The following C7orf78 variants were observed in gnomAD, a reference collection of about 807,000 sequenced individuals.
C7orf78 encodes the protein chromosome 7 open reading frame 78.
At chr7:12,525,723 A>T in the C7orf78 span, 3 of 389,096 alleles carry the variant, frequency 7.7e-6, no homozygotes, top group Non-Finnish European at 1.4e-5. Context: ...ATTACGTTTT[A>T]CCAAGGAAAT....
At chr7:12,512,008 T>C in the C7orf78 span, among the ~76,000 whole-genome samples, 19 of 147,518 alleles carry the variant, frequency 1.3e-4, no homozygotes, top group Non-Finnish European at 2.2e-4. Flanking sequence ...ATCTCCTGAC[T>C]TCATGATCCA....
At chr7:12,530,105 C>T in the C7orf78 span, among the ~76,000 whole-genome samples, 1 of 152,106 alleles carries the variant, frequency 6.6e-6, no homozygotes, top group African/African-American at 2.4e-5. Context: ...CCGCCTCCTA[C>T]CTCAGATTCA....
At chr7:12,495,843 G>C in the C7orf78 span, among the ~76,000 whole-genome samples, 1 of 152,154 alleles carries the variant, frequency 6.6e-6, no homozygotes, top group Non-Finnish European at 1.5e-5. Context: ...TTAATGCCTA[G>C]AAATACAGAA....
chr7:12,536,480 C>T, the C7orf78 span, among the ~76,000 whole-genome samples: 1 of 152,144 alleles, frequency 6.6e-6, no homozygotes, highest in African/African-American at 2.4e-5. Context: ...GCCTCTGGGC[C>T]TGTGATGGGA....
the C7orf78 span, among the ~76,000 whole-genome samples, chr7:12,498,713 A>G: frequency 7.9e-5 from 12 of 151,430 alleles, no homozygotes; most frequent in African/African-American, 2.9e-4. Context: ...GCCAACGTTC[A>G]GATTCAGGAA....
chr7:12,484,090 A>T, the C7orf78 span: 1 of 152,178 alleles, frequency 6.6e-6, no homozygotes, highest in Non-Finnish European at 1.5e-5. Context: ...TATTGAAAAT[A>T]AGCTCTGAAA....
chr7:12,530,389 CCTG>C, the C7orf78 span: 1 of 152,100 alleles, frequency 6.6e-6, no homozygotes, highest in Non-Finnish European at 1.5e-5. Flanking sequence ...TCCTCCAGGG[CCTG>C]CTATCTGTCA....
the C7orf78 span, among the ~76,000 whole-genome samples, chr7:12,501,733 T>G: frequency 2.7e-5 from 4 of 149,368 alleles, no homozygotes; most frequent in East Asian, 5.9e-4. Context: ...AAAAACTACT[T>G]TAAAGTTCAT....
chr7:12,498,154 G>A, the C7orf78 span, among the ~76,000 whole-genome samples: 1 of 151,902 alleles, frequency 6.6e-6, no homozygotes, highest in African/African-American at 2.4e-5. Flanking sequence ...CAGAAAAACT[G>A]GAAACTCTAA....
At chr7:12,521,612 G>T in the C7orf78 span, among the ~76,000 whole-genome samples, 2 of 143,280 alleles carry the variant, frequency 1.4e-5, no homozygotes, top group Admixed American at 7.0e-5. Context: ...TTTTTATCAT[G>T]TCACCTAAAT....
chr7:12,522,706 T>C, the C7orf78 span, among the ~76,000 whole-genome samples: 1 of 152,200 alleles, frequency 6.6e-6, no homozygotes, highest in Non-Finnish European at 1.5e-5. Flanking sequence ...GTTTGTCTTT[T>C]AAGTAGGTTA....
chr7:12,512,442 T>C, the C7orf78 span, among the ~76,000 whole-genome samples: 4 of 152,218 alleles, frequency 2.6e-5, no homozygotes, highest in South Asian at 8.3e-4. Flanking sequence ...TCTGTTGAGA[T>C]GATCAAATCA....
chr7:12,510,712 T>C, the C7orf78 span, among the ~76,000 whole-genome samples: 1 of 152,198 alleles, frequency 6.6e-6, no homozygotes, highest in Non-Finnish European at 1.5e-5. Flanking sequence ...TGTTTATTCT[T>C]GTGCTTTGTC....
At chr7:12,489,947 T>C in the C7orf78 span, among the ~76,000 whole-genome samples, 3 of 152,270 alleles carry the variant, frequency 2.0e-5, no homozygotes, top group African/African-American at 7.2e-5. Context: ...AAAGCCATGA[T>C]TGGTGTAAAC....
the C7orf78 span, chr7:12,541,623 T>C: frequency 6.6e-6 from 1 of 150,778 alleles, no homozygotes; most frequent in Non-Finnish European, 1.5e-5. Flanking sequence ...AATCATAGGA[T>C]ACCAGATGGT....
chr7:12,535,540 T>A, the C7orf78 span, among the ~76,000 whole-genome samples: 3 of 152,242 alleles, frequency 2.0e-5, no homozygotes, highest in Middle Eastern at 6.8e-3. Flanking sequence ...TCATTCCACC[T>A]CTGGCCCCTC....
chr7:12,529,838 A>G, the C7orf78 span, among the ~76,000 whole-genome samples: 1 of 152,232 alleles, frequency 6.6e-6, no homozygotes, highest in Non-Finnish European at 1.5e-5. Context: ...GTACAGCAGC[A>G]GAGGTACTGC....
chr7:12,524,024 G>T, the C7orf78 span, among the ~76,000 whole-genome samples: 5 of 152,114 alleles, frequency 3.3e-5, no homozygotes, highest in Non-Finnish European at 5.9e-5. Flanking sequence ...AATGTGACTT[G>T]CTAGGCAAAG....
At chr7:12,487,129 T>A in the C7orf78 span, 2 of 152,158 alleles carry the variant, frequency 1.3e-5, no homozygotes, top group African/African-American at 4.8e-5. Context: ...GATAACTCTT[T>A]TTTCTACAAA....
Sources: gnomAD v4.1 joint callset for allele counts (sites outside exome capture counted in the v4.1 genomes callset) on GRCh38, gnomAD v4.1.1 for gene constraint, MANE v1.5 for transcripts, NCBI Gene and HGNC (gene_info 2026-07-23, HGNC 2026-07-21) for gene names.